TTN: variants seen among roughly 807,000 people sequenced by gnomAD.
TTN encodes the protein connectin.
A neutral mutation model predicts 3,223.0 loss-of-function variants in TTN; 1,525 were observed. That is an observed-to-expected ratio of 0.47 (90% confidence interval 0.45 to 0.49). TTN has a LOEUF of 0.49. Ranked by LOEUF, TTN falls within the 20% of genes least tolerant of loss-of-function variation. TTN has a pLI of 0.00. For missense variants in TTN, 40,786 were observed against 43,424.0 expected (o/e 0.94, Z 5.40); for synonymous variants, 14,094 against 15,161.0 (o/e 0.93, Z 5.17).
Position 178,804,630 on chromosome 2 carries a change from C to T in TTN, c.13G>A (p.Ala5Thr), listed in dbSNP as rs552620474. The change falls in exon 2 of 363, where the codon GCA (alanine) becomes ACA (threonine). Residue 5 changes from alanine to threonine, a missense_variant. Ala to Thr is a moderately conservative substitution (Grantham distance 58). Transcript: ENST00000589042. ...TGTAACGGCTGCGTAAACGTCGGTGCTTGAGTTGTCATCTTTCTAGGCACT... is the reference window on the plus strand; with the variant it reads ...TGTAACGGCTGCGTAAACGTCGGTGTTTGAGTTGTCATCTTTCTAGGCACT... MTTQ[A>T]PTFTQPLQSV... is the part of the protein sequence containing the mutation. 30 of 1,613,842 alleles carry T rather than the reference C, an allele frequency of 1.9e-5. No individual in the cohort carries two copies. In the East Asian group the frequency reaches 6.2e-4, roughly 34 times the overall value.
In TTN at chr2:178,732,420, G is replaced by A. The variant is rs375929815; in HGVS notation, c.16621+20C>T. On this transcript the variant is annotated intron_variant, in intron 56 of 362. Transcript: ENST00000589042. The stretch of plus-strand genomic sequence containing the variant: ...TTTATAACAAGGTTAGCACAAAGAT[G>A]TCAAGAAAACAATGCAAACCTTTTA... The A allele has an allele frequency of 5.0e-6, 8 of 1,588,320 alleles. No individual in the cohort carries two copies. In the African/African-American group the frequency reaches 5.4e-5, roughly 11 times the overall value.
rs780693632 is a variant in TTN, at chr2:178,549,718, T to C, written c.92004A>G (p.Ala30668=). The change falls in exon 338 of 363, where the codon GCA becomes GCG. Residue 30668 remains alanine (A), a synonymous_variant. Transcript: ENST00000589042. The part of the protein sequence containing the change: ...EKRETSRLAW[A]LIEDKCEAQS... The stretch of plus-strand genomic sequence containing the variant: ...GGGCTTCACATTTATCCTCAATTAG[T>C]GCCCAGGCAAGTCTGCTGGTTTCCC... 1.6e-5 allele frequency: 26 copies of C among 1,613,782 alleles called. No individual in the cohort carries two copies. Among genetic ancestry groups the C allele is most frequent in the Non-Finnish European group, 2.0e-5 (24 of 1,179,746 alleles).
chr2:178,805,118 G>T (rs901719922), intron 1 of TTN, among the ~76,000 whole-genome samples: 10 of 152,000 alleles, frequency 6.6e-5, no homozygotes, highest in Non-Finnish European at 1.3e-4. Flanking sequence ...CGAGGCGGGA[G>T]GATTACTTGA....
chr2:178,719,510 C>T (rs1314370582), intron 82 of TTN, 44 bp downstream of exon 82: 1 of 1,588,168 alleles, frequency 6.3e-7, no homozygotes, highest in Non-Finnish European at 8.6e-7. Context: ...GCCCCTCCAC[C>T]CCCTGGAAAT....
chr2:178,582,762 A>T, intron 313 of TTN, 170 bp from the exon 314 acceptor site: 1 of 916,546 alleles, frequency 1.1e-6, no homozygotes, highest in Admixed American at 3.5e-5. Context: ...GGTAATTGAA[A>T]TATGTGATTT....
chr2:178,706,570 T>A lies in TTN; in HGVS notation c.29304A>T (p.Leu9768Phe). The A allele has an allele frequency of 6.2e-7, 1 of 1,613,966 alleles. No individual in the cohort carries two copies. The highest frequency in any genetic ancestry group is 8.5e-7 in the Non-Finnish European group (1 of 1,179,868). ...IRDTTKTDSG[L>F]YRCVAFNEHG... Reference sequence around the variant, plus strand: ...GTTCGTTAAATGCCACGCATCGGTATAACCCAGAATCAGTTTTTGTGGTGT... The same window carrying A: ...GTTCGTTAAATGCCACGCATCGGTAAAACCCAGAATCAGTTTTTGTGGTGT... Residue 9768 changes from leucine to phenylalanine, a missense_variant, in exon 102 of 363, where the codon TTA (leucine) becomes TTT (phenylalanine). Transcript: ENST00000589042.
chr2:178,617,620 CTAAG>C lies in TTN; in HGVS notation c.47573-112_47573-109del, dbSNP rs72677235. 240,417 of 1,394,050 alleles carry C rather than the reference CTAAG, an allele frequency of 0.17. 22,388 individuals are homozygous for C. Among genetic ancestry groups the C allele is most frequent in the Non-Finnish European group, 0.19 (197,612 of 1,030,692 alleles). The allele number at this position is 1,394,050 out of a possible 1,614,324, so 86.4% of individuals were successfully genotyped here. On this transcript the variant is annotated intron_variant, in intron 253 of 362. Coordinates refer to ENST00000589042, the MANE Select transcript of TTN (RefSeq NM_001267550.2). ...CTCATTAACAGGTTTATCAAATTCA[CTAAG>C]TAAAGTAGGCACAGTCTGGGTTTCT...
intron 40 of TTN, among the ~76,000 whole-genome samples, chr2:178,767,543 C>T (rs1268681474): frequency 2.6e-5 from 4 of 152,196 alleles, no homozygotes; most frequent in East Asian, 1.9e-4. Context: ...CTTTAATTAA[C>T]GTATTTAGAC....
At position 178,575,247 on chromosome 2, in the gene TTN, T is replaced by C. The variant is rs988918025; in HGVS notation, c.70885A>G (p.Met23629Val). 3.1e-6 allele frequency: 5 copies of C among 1,613,238 alleles called. No homozygotes were observed. The highest frequency in any genetic ancestry group is 3.4e-6 in the Non-Finnish European group (4 of 1,179,564). ...SRPVIVKEQT[M>V]LPELDLRGIY... is the part of the protein sequence containing the mutation. Reference sequence around the variant, plus strand: ...CCACGGAGATCCAGCTCTGGAAGCATTGTCTGCTCCTTGACAATGACGGGT... The same window carrying C: ...CCACGGAGATCCAGCTCTGGAAGCACTGTCTGCTCCTTGACAATGACGGGT... The change falls in exon 326 of 363, where the codon ATG becomes GTG. Residue 23629 changes from methionine (M) to valine (V), a missense_variant. Transcript: ENST00000589042. This position sits in a 1 kb window ranked among gnomAD's most constrained non-coding sequence, Gnocchi z 4.0.
Position 178,800,055 on chromosome 2 carries a change from A to G in TTN, c.584-145T>C. On this transcript the variant is annotated intron_variant, in intron 4 of 362. Transcript: ENST00000589042. Reference sequence around the variant, plus strand: ...GCAGAAAGTTTTGGATTTTGCATGAATATAAATTAGGTTTAAAAATAGAAA... The same window carrying G: ...GCAGAAAGTTTTGGATTTTGCATGAGTATAAATTAGGTTTAAAAATAGAAA... 5.6e-6 allele frequency: 5 copies of G among 892,352 alleles called. No homozygotes were observed. In the South Asian group the frequency reaches 8.4e-5, roughly 15 times the overall value. 55.3% of individuals were successfully genotyped at this position (892,352 alleles called of 1,614,324 possible).
rs780626756 is a variant in TTN at position 178,790,885 on chromosome 2, A to G, written c.1663-40T>C. The G allele has an allele frequency of 1.9e-6, 3 of 1,611,270 alleles. No individual in the cohort carries two copies. The African/African-American group carries it at 4.0e-5, about 22-fold the overall frequency. On this transcript the variant is annotated intron_variant, in intron 10 of 362. Transcript: ENST00000589042. Reference sequence around the variant, plus strand: ...AAAATAAAGATTTGAGTTTCAAAAGATACAAAAGCAATGGGAAGACATCCT... The same window carrying G: ...AAAATAAAGATTTGAGTTTCAAAAGGTACAAAAGCAATGGGAAGACATCCT...
At chr2:178,604,658 C>A in intron 281 of TTN, 50 bp downstream of exon 281, 1 of 1,506,650 alleles carries the variant, frequency 6.6e-7, no homozygotes. Flanking sequence ...GGCATCAAAC[C>A]AGAGTCATGT....
rs184922462 is a variant in TTN, at chr2:178,542,425, C to G, written c.97331G>C (p.Arg32444Pro). ...GYVVEQRDAH[R>P]PGWLPVSESV... ...TTCAGAAACGGGCAGCCATCCTGGA[C>G]GATGAGCGTCACGTTGTTCTACCAC... The change falls in exon 349 of 363, where the codon CGT becomes CCT. Residue 32444 changes from arginine (R) to proline (P), a missense_variant. Transcript: ENST00000589042. The G allele has an allele frequency of 2.4e-4, 389 of 1,613,658 alleles. 2 individuals carry two copies. The highest frequency in any genetic ancestry group is 1.5e-3 in the Admixed American group (90 of 60,006).
At chr2:178,529,927 A>G in intron 359 of TTN, 33 bp downstream of exon 359, 1 of 1,573,134 alleles carries the variant, frequency 6.4e-7, no homozygotes, top group Non-Finnish European at 8.6e-7. Context: ...TTATCTTCTG[A>G]AGAAATGTGG....
rs377754701 is a variant in TTN, at chr2:178,569,640, G to T, written c.76492C>A (p.Pro25498Thr). The T allele has an allele frequency of 6.8e-6, 11 of 1,611,840 alleles. No individual in the cohort carries two copies. The highest frequency in any genetic ancestry group is 9.3e-6 in the Non-Finnish European group (11 of 1,178,960). Residue 25498 changes from proline (P) to threonine (T), a missense_variant, in exon 326 of 363, where the codon CCT (proline) becomes ACT (threonine). Physicochemically the swap from Pro to Thr is conservative, Grantham distance 38. Transcript: ENST00000589042. ...TCTAATTTTTCTTCAACTATAATAG[G>T]TCCAGGGACGTCAGCATGTTCTCCA... ...GVGEHADVPG[P>T]IIVEEKLEAP...
chr2:178,620,848 G>C lies in TTN; in HGVS notation c.45762C>G (p.Ile15254Met). Residue 15254 changes from isoleucine (I) to methionine (M), a missense_variant, in exon 247 of 363, where the codon ATC becomes ATG. Physicochemically the swap from Ile to Met is conservative, Grantham distance 10 (BLOSUM62 1). Coordinates refer to ENST00000589042, the MANE Select transcript of TTN (RefSeq NM_001267550.2). ...TGTAGACTAGGTCTTTTTGGAGAAT[G>C]ATGTATTTTGAACTATCAAATATAG... The part of the protein sequence containing the change: ...EEAIFDSSKY[I>M]ILQKDLVYTL... 6.2e-7 allele frequency: 1 copy of C among 1,612,428 alleles called. No homozygotes were observed. Among genetic ancestry groups the C allele is most frequent in the Non-Finnish European group, 8.5e-7 (1 of 1,179,072 alleles).
At position 178,572,242 on chromosome 2, in the gene TTN, T is replaced by G; in HGVS notation, c.73890A>C (p.Arg24630Ser). The change falls in exon 326 of 363, where the codon AGA becomes AGC. Residue 24630 changes from arginine to serine, a missense_variant. Arg to Ser is a moderately radical substitution (Grantham distance 110, BLOSUM62 -1). Transcript: ENST00000589042. ...PGKITLMDVT[R>S]NSVSLSWEKP... ...TCTCCCAAGAGAGTGACACACTATT[T>G]CTTGTGACATCCATCAAAGTTATTT... The G allele has an allele frequency of 6.2e-7, 1 of 1,613,408 alleles. No homozygotes were observed. Among genetic ancestry groups the G allele is most frequent in the Non-Finnish European group, 8.5e-7 (1 of 1,179,592 alleles).
In TTN at chr2:178,531,315, T is replaced by A; in HGVS notation, c.105300A>T (p.Ala35100=). 6.2e-7 allele frequency: 1 copy of A among 1,614,048 alleles called. No individual in the cohort carries two copies. ...ATGCAGCACTTTTCATTTCTGCAGA[T>A]GCAGAGTGTTCATATGAGGAGAGAC... The part of the protein sequence containing the change: ...RESLSSYEHS[A]SAEMKSAALE... The change falls in exon 358 of 363, where the codon GCA becomes GCT. Residue 35100 remains alanine (A), a synonymous_variant. Transcript: ENST00000589042.
rs1558956138 is a variant in TTN, at chr2:178,527,298, G to A, written c.107690C>T (p.Pro35897Leu). The A allele has an allele frequency of 6.3e-7, 1 of 1,592,394 alleles. No homozygotes were observed. The highest frequency in any genetic ancestry group is 1.4e-5 in the African/African-American group (1 of 73,948). The change falls in exon 363 of 363, where the codon CCT becomes CTT. Residue 35897 changes from proline to leucine, a missense_variant. Transcript: ENST00000589042. The stretch of plus-strand genomic sequence containing the variant: ...ATCAGATGGAAGAGCTTCAATTTTA[G>A]GCGGAATTCCTTTATGGAACAATGA... The part of the protein sequence containing the change: ...MLKAGIRGIP[P>L]KIEALPSDIS...
Sources: gnomAD v4.1 joint callset for allele counts (sites outside exome capture counted in the v4.1 genomes callset) on GRCh38, gnomAD v4.1.1 for gene constraint, Gnocchi (gnomAD v3.1) non-coding constraint, MANE v1.5 for transcripts, NCBI Gene and HGNC (gene_info 2026-07-23, HGNC 2026-07-21) for gene names.